Variants in MMRN1 observed in about 807,000 individuals in gnomAD.
MMRN1 encodes the protein multimerin 1.
Under a neutral mutation model 100.7 loss-of-function variants are expected in MMRN1, and 94 were observed. The observed-to-expected ratio is 0.93, with a 90% CI of 0.79 to 1.11. The LOEUF (loss-of-function observed/expected upper bound fraction) is 1.11, where lower values mean the gene tolerates loss of function less well. Among genes scored for constraint, MMRN1 ranks in the 50% least tolerant of loss-of-function variants. MMRN1 has a pLI of 0.00. For synonymous variants in MMRN1, 575 were observed against 505.0 expected (o/e 1.14, Z -1.86); for missense variants, 1,606 against 1,439.1 (o/e 1.12, Z -1.88).
chr4:89,916,373 AAAACAAAC>A (rs1204392550), intron 3 of MMRN1, among the ~76,000 whole-genome samples: 2 of 145,842 alleles, frequency 1.4e-5, no homozygotes, highest in East Asian at 2.0e-4. Flanking sequence ...TGAAAAAAAA[AAAACAAAC>A]AAACAAACAA....
intron 1 of MMRN1, among the ~76,000 whole-genome samples, chr4:89,898,085 A>T (rs1304980258): frequency 1.3e-5 from 2 of 152,132 alleles, no homozygotes; most frequent in African/African-American, 4.8e-5. Flanking sequence ...GGCCATGCAA[A>T]TGACAATGGC....
At chr4:89,911,488 C>T (rs1048277085) in intron 2 of MMRN1, among the ~76,000 whole-genome samples, 1 of 151,222 alleles carries the variant, frequency 6.6e-6, no homozygotes, top group Non-Finnish European at 1.5e-5. Context: ...GTCATAATTT[C>T]AATTAGATCA....
intron 3 of MMRN1, among the ~76,000 whole-genome samples, chr4:89,920,917 T>C (rs1254085358): frequency 1.3e-5 from 2 of 151,956 alleles, no homozygotes; most frequent in South Asian, 2.1e-4. Flanking sequence ...GGACACTTAA[T>C]GTTTCAAAGT....
chr4:89,941,512 C>A (rs1722823521), intron 6 of MMRN1, among the ~76,000 whole-genome samples: 1 of 152,138 alleles, frequency 6.6e-6, no homozygotes, highest in African/African-American at 2.4e-5. Flanking sequence ...AGATACTCAG[C>A]ACTTAGTTTT....
In MMRN1 at chr4:89,887,950, CTTT is replaced by C. The variant is rs1477250657; in HGVS notation, c.-248-6773_-248-6771del. The stretch of plus-strand genomic sequence containing the variant: ...AAATTATAATGCTCTCTCTCTTCTT[CTTT>C]ATTTCCTCCAATTATAGGTATGTTG... On this transcript the variant is annotated intron_variant, in intron 1 of 8. Coordinates refer to the MMRN1 transcript ENST00000394980. Among the ~76,000 whole-genome samples, 11 of 151,970 alleles carry C rather than the reference CTTT, an allele frequency of 7.2e-5. 1 individual carries two copies. Among genetic ancestry groups the C allele is most frequent in the South Asian group, 4.2e-4 (2 of 4,810 alleles).
chr4:89,946,796 C>T (rs1048281609), intron 6 of MMRN1, among the ~76,000 whole-genome samples: 6 of 152,078 alleles, frequency 3.9e-5, no homozygotes, highest in African/African-American at 9.6e-5. Context: ...TATTAGGGTC[C>T]AGAAAGCAAA....
rs944914158 is a variant in MMRN1, at chr4:89,907,126, A to G, written c.624-2150A>G. 2.0e-4 allele frequency among the ~76,000 whole-genome samples: 30 copies of G among 151,592 alleles called. No homozygotes were observed. In the East Asian group the frequency reaches 2.5e-3, roughly 13 times the overall value. On this transcript the variant is annotated intron_variant, in intron 1 of 7. Transcript: ENST00000264790. ...GATCATCATTGCATTTGCATGAGGA[A>G]TCTAGTTAATTTTTTAAAGATCCCT...
At chr4:89,902,444 A>G (rs1721423028) in intron 1 of MMRN1, among the ~76,000 whole-genome samples, 1 of 152,044 alleles carries the variant, frequency 6.6e-6, no homozygotes. Flanking sequence ...TACATATTTA[A>G]TTCGATGTAC....
intron 7 of MMRN1, 73 bp downstream of exon 7, chr4:89,951,824 T>C: frequency 2.6e-6 from 4 of 1,518,984 alleles, no homozygotes; most frequent in Non-Finnish European, 3.6e-6. Flanking sequence ...AAATATTTAT[T>C]AATGAATATT....
chr4:89,897,458 T>G (rs1239144670), intron 1 of MMRN1, among the ~76,000 whole-genome samples: 2 of 152,098 alleles, frequency 1.3e-5, no homozygotes, highest in Non-Finnish European at 2.9e-5. Flanking sequence ...TCCACCCACC[T>G]CAGCCTCCCA....
At chr4:89,893,297 T>C (rs1446163025), upstream of MMRN1, among the ~76,000 whole-genome samples, 3 of 152,036 alleles carry the variant, frequency 2.0e-5, no homozygotes, top group East Asian at 3.9e-4. Flanking sequence ...ATGATTGTCT[T>C]AGTTTAAATA....
At chr4:89,898,236 T>C (rs1430763170) in intron 1 of MMRN1, among the ~76,000 whole-genome samples, 4 of 152,270 alleles carry the variant, frequency 2.6e-5, no homozygotes, top group Non-Finnish European at 4.4e-5. Context: ...TGGCATCTGT[T>C]ACTAGTACTC....
In MMRN1 at chr4:89,934,843, G is replaced by A. The variant is rs1241614069; in HGVS notation, c.1163G>A (p.Arg388Lys). ...LKSKSINVLI[R>K]DIVREQFKIF... The stretch of plus-strand genomic sequence containing the variant: ...TCCAAAAGCATTAATGTACTGATAA[G>A]AGACATAGTAAGAGAACAATTTAAA... The change falls in exon 6 of 8, where the codon AGA (arginine) becomes AAA (lysine). Residue 388 changes from arginine (R) to lysine (K), a missense_variant. Transcript: ENST00000264790. The A allele has an allele frequency of 4.5e-6, 7 of 1,558,826 alleles. No homozygotes were observed. In the South Asian group the frequency reaches 8.5e-5, roughly 19 times the overall value.
intron 1 of MMRN1, among the ~76,000 whole-genome samples, chr4:89,898,174 G>T (rs189804705): frequency 3.3e-5 from 5 of 151,992 alleles, no homozygotes; most frequent in African/African-American, 1.2e-4. Context: ...GAAGTCCTTC[G>T]TACTTTCATT....
intron 3 of MMRN1, among the ~76,000 whole-genome samples, chr4:89,917,194 C>A (rs1298791847): frequency 2.6e-5 from 4 of 151,718 alleles, no homozygotes; most frequent in Non-Finnish European, 5.9e-5. Context: ...TTGTTATAAT[C>A]TTCATATTAA....
rs375553143 is a variant in MMRN1 at position 89,914,709 on chromosome 4, G to A, written c.850+2659G>A. The stretch of plus-strand genomic sequence containing the variant: ...TAGAAAGGACCTAATTTTGTGATAT[G>A]GTATTCAAGATACTTTTCAAAAAGT... On this transcript the variant is annotated intron_variant, in intron 3 of 7. Coordinates refer to ENST00000264790, the MANE Select transcript of MMRN1 (RefSeq NM_007351.3). 4.0e-5 allele frequency among the ~76,000 whole-genome samples: 6 copies of A among 151,386 alleles called. No homozygotes were observed. In the South Asian group the frequency reaches 1.0e-3, roughly 26 times the overall value.
chr4:89,912,280 C>A (rs1159442156), intron 3 of MMRN1, among the ~76,000 whole-genome samples: 2 of 151,090 alleles, frequency 1.3e-5, no homozygotes, highest in African/African-American at 4.8e-5. Context: ...ATATGATGAG[C>A]AAATGGAAAT....
At chr4:89,905,100 T>TA (rs1262777844) in intron 1 of MMRN1, among the ~76,000 whole-genome samples, 3 of 151,584 alleles carry the variant, frequency 2.0e-5, no homozygotes, top group Non-Finnish European at 4.4e-5. Context: ...TAAACACTTA[T>TA]AAAAAAATAT....
rs141780976 is a variant in MMRN1 at position 89,931,664 on chromosome 4, A to C, written c.1130-3146A>C. ...CAGAAGATGAAGAAGGAGCAAAGCC[A>C]CGTCTTACATGGTGGCAGGCAAGAG... On this transcript the variant is annotated intron_variant, in intron 5 of 7. Coordinates refer to ENST00000264790, the MANE Select transcript of MMRN1 (RefSeq NM_007351.3). 4.7e-4 allele frequency among the ~76,000 whole-genome samples: 71 copies of C among 152,306 alleles called. 2 individuals carry two copies. The East Asian group carries it at 0.014, about 29-fold the overall frequency.
Sources: gnomAD v4.1 joint callset for allele counts (sites outside exome capture counted in the v4.1 genomes callset) on GRCh38, gnomAD v4.1.1 for gene constraint, MANE v1.5 for transcripts, NCBI Gene and HGNC (gene_info 2026-07-23, HGNC 2026-07-21) for gene names.